The following ADGRG1 variants were observed in gnomAD, a reference collection of about 807,000 sequenced individuals.
ADGRG1 encodes adhesion G protein-coupled receptor G1.
ADGRG1 carries 53 observed loss-of-function variants against 73.5 expected under a neutral mutation model. The ratio of observed to expected loss-of-function variants is 0.72; its 90% CI spans 0.58 to 0.91. ADGRG1 has a LOEUF of 0.91. ADGRG1 is among the 40% of genes least tolerant of loss of function. The pLI is 0.00. For synonymous variants in ADGRG1, 394 were observed against 374.4 expected (o/e 1.05, Z -0.60); for missense variants, 795 against 871.8 (o/e 0.91, Z 1.11).
intron 1 of ADGRG1, chr16:57,634,093 C>A (rs530551934): frequency 1.3e-5 from 13 of 985,314 alleles, no homozygotes; most frequent in South Asian, 4.7e-5. Flanking sequence ...GGGTTCCAGT[C>A]GAGCTGGTTT....
chr16:57,623,315 C>T, upstream of ADGRG1: 28 of 777,892 alleles, frequency 3.6e-5, no homozygotes, highest in Non-Finnish European at 4.1e-5. Context: ...GGAGTGCCTC[C>T]TCCCTGACCA....
intron 1 of ADGRG1, chr16:57,636,137 G>A (rs1393787590): frequency 3.0e-6 from 3 of 985,194 alleles, no homozygotes; most frequent in African/African-American, 3.5e-5. Context: ...CAATGGGAAC[G>A]GGACCCACTT....
chr16:57,649,801 A>G (rs1304584090), intron 1 of ADGRG1, among the ~76,000 whole-genome samples: 1 of 151,618 alleles, frequency 6.6e-6, no homozygotes, highest in East Asian at 1.9e-4. Flanking sequence ...TTTTTAAAGC[A>G]GGGTCTCACT....
At chr16:57,655,306 C>T (rs2045404030) in intron 5 of ADGRG1, 93 bp from the exon 6 acceptor site, 7 of 1,580,780 alleles carry the variant, frequency 4.4e-6, no homozygotes, top group Non-Finnish European at 6.0e-6. Flanking sequence ...TGGCAGCGTC[C>T]AGGAACGGAT....
chr16:57,657,335 G>A, intron 9 of ADGRG1, 38 bp from the exon 10 acceptor site: 1 of 1,613,514 alleles, frequency 6.2e-7, no homozygotes. Flanking sequence ...TTGTGTGGGG[G>A]ACACAGAGGC....
At chr16:57,637,413 TGTAA>T (rs1441846148) in intron 1 of ADGRG1, 38 of 985,224 alleles carry the variant, frequency 3.9e-5, no homozygotes, top group Middle Eastern at 5.2e-4. Context: ...GGGTTGCTGT[TGTAA>T]GTGAGTGCCA....
chr16:57,634,204 T>C lies in ADGRG1; in HGVS notation c.-36+5402T>C. On this transcript the variant is annotated intron_variant, in intron 1 of 13. Transcript: ENST00000562631. ...AGCTGACCCCTTCTGGGTCCTTGGC[T>C]GAGTCTGGGCCTCAGGGTGTGGCTC... The C allele has an allele frequency of 1.0e-5, 10 of 985,454 alleles. No homozygotes were observed. The South Asian group carries it at 3.8e-4, about 37-fold the overall frequency. 61.0% of individuals were successfully genotyped at this position (985,454 alleles called of 1,614,324 possible).
chr16:57,636,056 G>A (rs2039285147), intron 1 of ADGRG1: 4 of 985,336 alleles, frequency 4.1e-6, no homozygotes, highest in Admixed American at 6.1e-5. Context: ...CCATAGGCAC[G>A]TGCCCTTTCT....
intron 1 of ADGRG1, chr16:57,645,370 C>A: frequency 1.1e-6 from 1 of 949,524 alleles, no homozygotes; most frequent in Non-Finnish European, 1.3e-6. Context: ...TCCCTTCCCA[C>A]CCCACCACCC....
At chr16:57,627,811 C>A, upstream of ADGRG1, 1 of 985,394 alleles carries the variant, frequency 1.0e-6, no homozygotes, top group Non-Finnish European at 1.2e-6. Context: ...GCACTGAACC[C>A]CAGCAGCGGG....
chr16:57,634,104 C>T, intron 1 of ADGRG1: 1 of 985,462 alleles, frequency 1.0e-6, no homozygotes, highest in Non-Finnish European at 1.2e-6. Context: ...GAGCTGGTTT[C>T]CTGGGACAGA....
intron 1 of ADGRG1, chr16:57,630,041 C>T (rs1363149335): frequency 1.0e-6 from 1 of 980,690 alleles, no homozygotes; most frequent in Non-Finnish European, 1.2e-6. Context: ...CTTCAGTGGA[C>T]CAAGAAAGTT....
chr16:57,639,881 T>G, intron 1 of ADGRG1: 1 of 975,166 alleles, frequency 1.0e-6, no homozygotes, highest in Non-Finnish European at 1.2e-6. Context: ...GGTGGGGGTG[T>G]GGTGGCACTA....
Position 57,653,449 on chromosome 16 carries a change from TG to T in ADGRG1, c.620+115del, listed in dbSNP as rs1416997330. 3.3e-6 allele frequency: 5 copies of T among 1,532,696 alleles called. No individual in the cohort carries two copies. The East Asian group carries it at 9.3e-5, about 29-fold the overall frequency. 94.9% of individuals were successfully genotyped at this position (1,532,696 alleles called of 1,614,324 possible). A position where few individuals can be genotyped will look rare whatever the true frequency, so the allele number is the denominator to read the frequency against. ...TGCGAGGCCTTCCCTGGGACTGGAA[TG>T]CTTCTTTGATTTCTCTTTCTGCCTT... On this transcript the variant is annotated intron_variant, in intron 4 of 13. Transcript: ENST00000562631.
chr16:57,663,558 C>T lies in ADGRG1; in HGVS notation c.2040C>T (p.Gly680=). 6.2e-7 allele frequency: 1 copy of T among 1,613,726 alleles called. No individual in the cohort carries two copies. The highest frequency in any genetic ancestry group is 8.5e-7 in the Non-Finnish European group (1 of 1,179,998). The change falls in exon 14 of 14, where the codon GGC becomes GGT. Residue 680 remains glycine (G), a synonymous_variant. Coordinates refer to ENST00000562631, the MANE Select transcript of ADGRG1 (RefSeq NM_201525.4). ...GCGCCAGGCTCCCCATCAGCTCGGG[C>T]AGCACCTCGTCCAGCCGCATCTAGG... ...SDSARLPISS[G]STSSSRI is the part of the protein sequence containing the mutation.
intron 1 of ADGRG1, chr16:57,645,027 T>C: frequency 6.2e-6 from 6 of 964,134 alleles, no homozygotes; most frequent in Non-Finnish European, 6.2e-6. Flanking sequence ...CACACACTCA[T>C]CACACACTCA....
At chr16:57,631,467 G>A in intron 1 of ADGRG1, 1 of 985,594 alleles carries the variant, frequency 1.0e-6, no homozygotes, top group African/African-American at 1.7e-5. Context: ...GGGGAAGTCG[G>A]GTGGAAGTAG....
At chr16:57,659,121 T>A in intron 10 of ADGRG1, 3 of 985,356 alleles carry the variant, frequency 3.0e-6, no homozygotes, top group Non-Finnish European at 3.6e-6. Flanking sequence ...CCGCTCTGAC[T>A]TTGAGAGTAT....
Position 57,661,927 on chromosome 16 carries a change from T to C in ADGRG1, c.1895T>C (p.Val632Ala). 6.2e-7 allele frequency: 1 copy of C among 1,614,248 alleles called. No homozygotes were observed. Among genetic ancestry groups the C allele is most frequent in the Non-Finnish European group, 8.5e-7 (1 of 1,180,032 alleles). ...FSFASGTFQL[V>A]VLYLFSIITS... Reference sequence around the variant, plus strand: ...TTTGCTTCTGGCACCTTCCAGCTTGTCGTCCTCTACCTTTTCAGCATCATC... The same window carrying C: ...TTTGCTTCTGGCACCTTCCAGCTTGCCGTCCTCTACCTTTTCAGCATCATC... The change falls in exon 13 of 14, where the codon GTC becomes GCC. Residue 632 changes from valine (V) to alanine (A), a missense_variant. Transcript: ENST00000562631.
Sources: allele counts gnomAD v4.1 joint callset (sites outside exome capture counted in the v4.1 genomes callset), GRCh38; gene constraint gnomAD v4.1.1; transcripts MANE v1.5; gene names NCBI Gene and HGNC (gene_info 2026-07-23, HGNC 2026-07-21).